The following LRBA variants were observed in gnomAD, a reference collection of about 807,000 sequenced individuals.
LRBA encodes lipopolysaccharide-responsive and beige-like anchor protein.
A neutral mutation model predicts 330.0 loss-of-function variants in LRBA; 176 were observed. That is an observed-to-expected ratio of 0.53 (90% confidence interval 0.47 to 0.60). The LOEUF (loss-of-function observed/expected upper bound fraction) is 0.60, where lower values mean the gene tolerates loss of function less well. Ranked by LOEUF, LRBA falls within the 20% of genes least tolerant of loss-of-function variation. The probability of loss-of-function intolerance (pLI) is 0.00; values close to 1 mark genes in which losing one functional copy is unlikely to be tolerated. For synonymous variants in LRBA, 1,230 were observed against 1,193.0 expected (o/e 1.03, Z -0.64); for missense variants, 3,259 against 3,444.8 (o/e 0.95, Z 1.35).
rs150498788 is a variant in LRBA at position 150,988,417 on chromosome 4, C to T, written c.216+26010G>A. Among the ~76,000 whole-genome samples the T allele has an allele frequency of 5.9e-5, 9 of 152,150 alleles. No homozygotes were observed. In the East Asian group the frequency reaches 1.7e-3, roughly 29 times the overall value. On this transcript the variant is annotated intron_variant, in intron 2 of 56. Transcript: ENST00000651943. ...TATAATAATTCCAAGAAACAAATCA[C>T]AGAGAGGCAAAGAAAACAAACATAT...
intron 34 of LRBA, among the ~76,000 whole-genome samples, chr4:150,763,408 C>T (rs1735360747): frequency 6.6e-6 from 1 of 151,928 alleles, no homozygotes; most frequent in Admixed American, 6.6e-5. Context: ...TATATACTCT[C>T]TAAAATTCAT....
intron 2 of LRBA, among the ~76,000 whole-genome samples, chr4:150,953,465 C>A (rs1737098164): frequency 6.6e-6 from 1 of 151,044 alleles, no homozygotes; most frequent in Non-Finnish European, 1.5e-5. Context: ...AACCTCCCTG[C>A]CTGATTCTCC....
chr4:150,376,737 T>TAAAC (rs1741393204), intron 47 of LRBA, among the ~76,000 whole-genome samples: 2 of 152,222 alleles, frequency 1.3e-5, no homozygotes, highest in African/African-American at 4.8e-5. Flanking sequence ...CCAGGAGCTA[T>TAAAC]AAACAAACAA....
At chr4:150,765,541 G>A (rs1735658415) in intron 34 of LRBA, among the ~76,000 whole-genome samples, 1 of 152,022 alleles carries the variant, frequency 6.6e-6, no homozygotes, top group Non-Finnish European at 1.5e-5. Flanking sequence ...ACCTTTTGAT[G>A]AATTTTGCTG....
At chr4:150,800,336 A>G (rs890989514) in intron 33 of LRBA, among the ~76,000 whole-genome samples, 5 of 152,184 alleles carry the variant, frequency 3.3e-5, no homozygotes, top group Non-Finnish European at 5.9e-5. Context: ...GCTTCAGAAA[A>G]CAAGAGAGAC....
intron 13 of LRBA, among the ~76,000 whole-genome samples, chr4:150,902,713 T>C (rs1383144030): frequency 6.6e-6 from 1 of 152,228 alleles, no homozygotes; most frequent in Non-Finnish European, 1.5e-5. Context: ...CTGCTTTTGT[T>C]CCTTCATTCT....
intron 37 of LRBA, among the ~76,000 whole-genome samples, chr4:150,599,845 T>C (rs1020683102): frequency 5.3e-5 from 8 of 152,178 alleles, no homozygotes; most frequent in African/African-American, 1.9e-4. Context: ...TAGAGTGAAA[T>C]AGCAATCTAT....
intron 17 of LRBA, among the ~76,000 whole-genome samples, chr4:150,880,385 T>C (rs1728227584): frequency 6.6e-6 from 1 of 152,126 alleles, no homozygotes; most frequent in Non-Finnish European, 1.5e-5. Context: ...CTGGGCATGG[T>C]GGCACATGCC....
chr4:150,819,977 T>C (rs955502744), intron 30 of LRBA, among the ~76,000 whole-genome samples: 2 of 152,084 alleles, frequency 1.3e-5, no homozygotes, highest in Non-Finnish European at 2.9e-5. Context: ...TTGCTAAGCG[T>C]GTTGTGTCAT....
intron 36 of LRBA, among the ~76,000 whole-genome samples, chr4:150,734,666 G>A (rs1028772131): frequency 9.2e-5 from 14 of 152,032 alleles, no homozygotes; most frequent in African/African-American, 3.4e-4. Context: ...ATTTCCTCTA[G>A]AAATTTGTAT....
At chr4:150,886,582 G>A (rs1381246475) in intron 17 of LRBA, among the ~76,000 whole-genome samples, 1 of 152,152 alleles carries the variant, frequency 6.6e-6, no homozygotes, top group Non-Finnish European at 1.5e-5. Flanking sequence ...GATCGAAGGG[G>A]AAAAACCAAA....
chr4:150,863,512 A>C (rs374563360), intron 22 of LRBA, among the ~76,000 whole-genome samples: 1 of 152,108 alleles, frequency 6.6e-6, no homozygotes, highest in African/African-American at 2.4e-5. Flanking sequence ...AAATACAAAA[A>C]TTAGCCAGTT....
At chr4:150,557,419 G>A (rs984397051) in intron 40 of LRBA, among the ~76,000 whole-genome samples, 2 of 151,800 alleles carry the variant, frequency 1.3e-5, no homozygotes, top group Admixed American at 6.6e-5. Context: ...CATCACTGTA[G>A]AGATTAATAC....
intron 40 of LRBA, among the ~76,000 whole-genome samples, chr4:150,552,211 C>T (rs1269835572): frequency 6.6e-6 from 1 of 152,040 alleles, no homozygotes; most frequent in Non-Finnish European, 1.5e-5. Flanking sequence ...GGAACCCCTG[C>T]CTTAGAAGAC....
At chr4:150,626,086 T>C (rs1287280764) in intron 37 of LRBA, among the ~76,000 whole-genome samples, 2 of 152,018 alleles carry the variant, frequency 1.3e-5, no homozygotes. Flanking sequence ...CTGGCCTGGA[T>C]GCTATATATT....
intron 48 of LRBA, among the ~76,000 whole-genome samples, chr4:150,347,595 G>C (rs1427113164): frequency 6.6e-6 from 1 of 150,828 alleles, no homozygotes; most frequent in Non-Finnish European, 1.5e-5. Context: ...GTAATGAGCT[G>C]AGCTTGCGCA....
chr4:150,304,802 T>C (rs538007694), intron 52 of LRBA, among the ~76,000 whole-genome samples: 1 of 152,290 alleles, frequency 6.6e-6, no homozygotes, highest in East Asian at 1.9e-4. Flanking sequence ...ACGCAGGCCT[T>C]ACATAGGATA....
chr4:150,999,219 TA>T (rs766291935), intron 2 of LRBA, among the ~76,000 whole-genome samples: 35 of 152,114 alleles, frequency 2.3e-4, no homozygotes, highest in African/African-American at 6.8e-4. Flanking sequence ...AAGCTAGTAC[TA>T]GGGGGCTTGA....
intron 47 of LRBA, among the ~76,000 whole-genome samples, chr4:150,354,818 T>A (rs1737617106): frequency 6.6e-6 from 1 of 152,146 alleles, no homozygotes; most frequent in Admixed American, 6.5e-5. Context: ...TTACTAACTT[T>A]CATTTGTTTG....
Sources: gnomAD v4.1 joint callset for allele counts (sites outside exome capture counted in the v4.1 genomes callset) on GRCh38, gnomAD v4.1.1 for gene constraint, MANE v1.5 for transcripts, NCBI Gene and HGNC (gene_info 2026-07-23, HGNC 2026-07-21) for gene names.